Variants in NPHP4 observed in about 807,000 individuals in gnomAD.
NPHP4 encodes the protein nephrocystin-4.
A neutral mutation model predicts 155.8 loss-of-function variants in NPHP4; 151 were observed. The observed-to-expected ratio is 0.97, with a 90% CI of 0.85 to 1.11. The LOEUF is 1.11. Ranked by LOEUF, NPHP4 falls within the 50% of genes least tolerant of loss-of-function variation. The probability of loss-of-function intolerance (pLI) is 0.00; values close to 1 mark genes in which losing one functional copy is unlikely to be tolerated. For missense variants in NPHP4, 1,956 were observed against 1,925.7 expected (o/e 1.02, Z -0.29); for synonymous variants, 845 against 816.8 (o/e 1.03, Z -0.59).
chr1:5,889,700 C>T lies in NPHP4; in HGVS notation c.2304+1168G>A, dbSNP rs570495946. On this transcript the variant is annotated intron_variant, in intron 17 of 29. Transcript: ENST00000378156. The surrounding 1 kb of genome is among the most constrained non-coding windows in gnomAD (Gnocchi z 4.2). ...GCTGTGGTGTCGACACACAGTCCTG[C>T]CCTGGGGACATCAAAGCCAGCATGG... Among the ~76,000 whole-genome samples the T allele has an allele frequency of 5.9e-5, 9 of 152,288 alleles. No homozygotes were observed. Among genetic ancestry groups the T allele is most frequent in the African/African-American group, 2.2e-4 (9 of 41,558 alleles).
intron 18 of NPHP4, among the ~76,000 whole-genome samples, chr1:5,885,477 C>T (rs758603140): frequency 2.0e-5 from 3 of 152,220 alleles, no homozygotes; most frequent in Non-Finnish European, 2.9e-5. Flanking sequence ...AAAAGCTGAC[C>T]GAAAGACAGT....
In NPHP4 at chr1:5,867,342, T is replaced by C; in HGVS notation, c.3473-227A>G. 1.8e-6 allele frequency: 1 copy of C among 559,898 alleles called. No homozygotes were observed. The highest frequency in any genetic ancestry group is 3.2e-6 in the Non-Finnish European group (1 of 315,842). 34.7% of individuals were successfully genotyped at this position (559,898 alleles called of 1,614,324 possible). ...CCACTGCGGCTCGGCTGCAGCCATC[T>C]CCACAGGGAATAATCGAGGGGGCCA... On this transcript the variant is annotated intron_variant, in intron 24 of 29. Coordinates refer to ENST00000378156, the MANE Select transcript of NPHP4 (RefSeq NM_015102.5). The surrounding 1 kb of genome is among the most constrained non-coding windows in gnomAD (Gnocchi z 4.1).
intron 16 of NPHP4, among the ~76,000 whole-genome samples, chr1:5,899,905 T>G (rs1644587281): frequency 6.6e-6 from 1 of 152,216 alleles, no homozygotes; most frequent in Non-Finnish European, 1.5e-5. Context: ...TGTTCAGGTA[T>G]CTGAGCAGAA....
At chr1:5,971,236 A>G (rs980268141) in intron 3 of NPHP4, among the ~76,000 whole-genome samples, 1 of 152,220 alleles carries the variant, frequency 6.6e-6, no homozygotes, top group Non-Finnish European at 1.5e-5. Flanking sequence ...TACCACTAAA[A>G]ATAATCACTC....
Position 5,906,610 on chromosome 1 carries a change from T to C in NPHP4, c.1611+505A>G, listed in dbSNP as rs1047032649. Among the ~76,000 whole-genome samples, 5 of 152,228 alleles carry C rather than the reference T, an allele frequency of 3.3e-5. 1 individual carries two copies. The South Asian group carries it at 8.3e-4, about 25-fold the overall frequency. The stretch of plus-strand genomic sequence containing the variant: ...ATTCCAGTTAAGACCAAAGATGCAG[T>C]TTGCAGGTGAACCAGCCGACTTTGG... On this transcript the variant is annotated intron_variant, in intron 13 of 29. Coordinates refer to ENST00000378156, the MANE Select transcript of NPHP4 (RefSeq NM_015102.5).
At chr1:5,868,055 G>C in intron 23 of NPHP4, 159 bp from the exon 24 acceptor site, 1 of 814,926 alleles carries the variant, frequency 1.2e-6, no homozygotes, top group Non-Finnish European at 2.1e-6. Flanking sequence ...GGCAGGGACT[G>C]AGTCTGCAGC....
intron 4 of NPHP4, among the ~76,000 whole-genome samples, 169 bp from the exon 5 acceptor site, chr1:5,967,532 C>T (rs141053555): frequency 1.8e-3 from 268 of 152,350 alleles, no homozygotes; most frequent in African/African-American, 6.3e-3. Flanking sequence ...CTCCCCAAGC[C>T]GTTGGTGCTT....
chr1:5,967,419 A>C, intron 4 of NPHP4, 56 bp from the exon 5 acceptor site: 1 of 1,398,936 alleles, frequency 7.1e-7, no homozygotes, highest in Non-Finnish European at 1.0e-6. Flanking sequence ...TCTCAGAAGG[A>C]AAGCACATGG....
intron 1 of NPHP4, among the ~76,000 whole-genome samples, chr1:5,991,230 C>T (rs1043952071): frequency 2.6e-5 from 4 of 152,128 alleles, no homozygotes; most frequent in African/African-American, 7.2e-5. Context: ...CAGCACCTAC[C>T]CTGCGCCCGG....
intron 10 of NPHP4, among the ~76,000 whole-genome samples, chr1:5,931,812 C>T (rs950372746): frequency 1.3e-5 from 2 of 151,636 alleles, no homozygotes; most frequent in African/African-American, 4.8e-5. Context: ...TGGTGACTCA[C>T]GCCTATAATC....
At chr1:5,978,518 A>C in intron 2 of NPHP4, 105 bp from the exon 3 acceptor site, 1 of 1,090,630 alleles carries the variant, frequency 9.2e-7, no homozygotes, top group Non-Finnish European at 1.3e-6. Context: ...CTCAGATATC[A>C]GCACGCTGGT....
At position 5,975,241 on chromosome 1, in the gene NPHP4, G is replaced by A. The variant is rs112088062; in HGVS notation, c.279+3029C>T. On this transcript the variant is annotated intron_variant, in intron 3 of 29. Transcript: ENST00000378156. ...AGTTAAATAACTAGTTAACTAAGCT[G>A]GAACAAAACCTTTGCTCTGTATGAG... is the stretch of plus-strand genomic sequence containing the variant. 3.8e-3 allele frequency among the ~76,000 whole-genome samples: 578 copies of A among 152,252 alleles called. 5 individuals are homozygous for A. Among genetic ancestry groups the A allele is most frequent in the African/African-American group, 0.013 (545 of 41,550 alleles).
intron 9 of NPHP4, among the ~76,000 whole-genome samples, chr1:5,938,217 G>A (rs894305759): frequency 3.3e-5 from 5 of 152,228 alleles, no homozygotes; most frequent in African/African-American, 9.6e-5. Context: ...CCGATGGCTC[G>A]CTCGCTGGCC....
chr1:5,889,452 C>T lies in NPHP4; in HGVS notation c.2304+1416G>A, dbSNP rs1025728857. 1.2e-4 allele frequency among the ~76,000 whole-genome samples: 18 copies of T among 152,214 alleles called. No homozygotes were observed. Among genetic ancestry groups the T allele is most frequent in the African/African-American group, 4.3e-4 (18 of 41,450 alleles). ...TTCAAGTCTATGTCAACAAGCGTAA[C>T]GGCACTTGTTTAAGGGGCTCTTCGT... On this transcript the variant is annotated intron_variant, in intron 17 of 29. Coordinates refer to ENST00000378156, the MANE Select transcript of NPHP4 (RefSeq NM_015102.5). This position sits in a 1 kb window ranked among gnomAD's most constrained non-coding sequence, Gnocchi z 4.2.
At chr1:5,947,296 C>T (rs1008911906) in intron 8 of NPHP4, 66 bp from the exon 9 acceptor site, 32 of 1,575,562 alleles carry the variant, frequency 2.0e-5, no homozygotes, top group Non-Finnish European at 2.4e-5. Flanking sequence ...GCATCCACGT[C>T]GACCACTGTC....
chr1:5,912,402 G>A (rs1170969863), intron 11 of NPHP4, among the ~76,000 whole-genome samples: 1 of 152,094 alleles, frequency 6.6e-6, no homozygotes, highest in Admixed American at 6.5e-5. Context: ...GCCGGGTATG[G>A]TGGTGGGCAC....
rs1488612835 is a variant in NPHP4, at chr1:5,910,775, G to A, written c.1442-1562C>T. ...TGCACGACCATCGGAGCCAATCCCC[G>A]CCGTGCCTCTCCCAGCAGCTTCCAG... On this transcript the variant is annotated intron_variant, in intron 11 of 29. Transcript: ENST00000378156. The surrounding 1 kb of genome is among the most constrained non-coding windows in gnomAD (Gnocchi z 5.4). 1.3e-5 allele frequency among the ~76,000 whole-genome samples: 2 copies of A among 152,172 alleles called. No individual in the cohort carries two copies. The highest frequency in any genetic ancestry group is 6.5e-5 in the Admixed American group (1 of 15,276).
intron 11 of NPHP4, among the ~76,000 whole-genome samples, chr1:5,925,258 A>T (rs1645938646): frequency 6.6e-6 from 1 of 152,196 alleles, no homozygotes; most frequent in African/African-American, 2.4e-5. Context: ...ATTATTCCCT[A>T]AACAGTACAA....
chr1:5,924,982 T>C (rs151224839), intron 11 of NPHP4, among the ~76,000 whole-genome samples: 1 of 152,254 alleles, frequency 6.6e-6, no homozygotes, highest in East Asian at 1.9e-4. Context: ...CACATGAAAA[T>C]TTCTTTCCAG....
Sources: allele counts gnomAD v4.1 joint callset (sites outside exome capture counted in the v4.1 genomes callset), GRCh38; gene constraint gnomAD v4.1.1; non-coding constraint Gnocchi (gnomAD v3.1); transcripts MANE v1.5; gene names NCBI Gene and HGNC (gene_info 2026-07-23, HGNC 2026-07-21).